STXBP5L: variants seen among roughly 807,000 people sequenced by gnomAD.
The protein encoded by STXBP5L is syntaxin-binding protein 5-like.
In STXBP5L, 65 loss-of-function variants were observed where a neutral mutation model predicts 144.5. That is an observed-to-expected ratio of 0.45 (90% confidence interval 0.37 to 0.55). STXBP5L has a LOEUF of 0.55. Ranked by LOEUF, STXBP5L falls within the 20% of genes least tolerant of loss-of-function variation. The pLI, the probability that STXBP5L is intolerant of heterozygous loss-of-function variation, is 0.00. For synonymous variants in STXBP5L, 505 were observed against 469.6 expected (o/e 1.08, Z -0.97); for missense variants, 1,298 against 1,405.5 (o/e 0.92, Z 1.22).
intron 7 of STXBP5L, among the ~76,000 whole-genome samples, chr3:121,150,079 A>C (rs1313992948): frequency 5.3e-5 from 8 of 151,986 alleles, no homozygotes; most frequent in Non-Finnish European, 1.0e-4. Flanking sequence ...TTTAGTTTTC[A>C]AAATATTTTT....
At chr3:121,101,365 C>T (rs2043415418) in intron 5 of STXBP5L, among the ~76,000 whole-genome samples, 1 of 143,654 alleles carries the variant, frequency 7.0e-6, no homozygotes, top group South Asian at 2.1e-4. Context: ...GAAAAAGAAT[C>T]CAACAACACA....
chr3:121,243,015 A>C (rs2049719784), intron 14 of STXBP5L, among the ~76,000 whole-genome samples: 1 of 152,192 alleles, frequency 6.6e-6, no homozygotes, highest in Non-Finnish European at 1.5e-5. Flanking sequence ...CAGCCACATC[A>C]GTCCTTTTTC....
intron 9 of STXBP5L, among the ~76,000 whole-genome samples, chr3:121,191,481 T>C (rs1361664090): frequency 1.3e-5 from 2 of 152,038 alleles, no homozygotes; most frequent in African/African-American, 4.8e-5. Flanking sequence ...TGAGTCGAGA[T>C]AGCTGCAATA....
chr3:121,222,954 T>C (rs2049017706), intron 10 of STXBP5L, 49 bp from the exon 11 acceptor site: 1 of 1,547,652 alleles, frequency 6.5e-7, no homozygotes, highest in African/African-American at 1.4e-5. Context: ...TGTGACTTTG[T>C]GTCATTTTAA....
chr3:121,125,532 C>T (rs1288879714), intron 7 of STXBP5L, among the ~76,000 whole-genome samples: 5 of 151,914 alleles, frequency 3.3e-5, no homozygotes, highest in African/African-American at 1.2e-4. Context: ...CCCAATATAT[C>T]ATTTATAAAG....
At chr3:121,105,229 C>G (rs1178569854) in intron 5 of STXBP5L, among the ~76,000 whole-genome samples, 1 of 151,880 alleles carries the variant, frequency 6.6e-6, no homozygotes, top group Non-Finnish European at 1.5e-5. Flanking sequence ...AAGCCCATCT[C>G]TACTAAAAAT....
At chr3:121,414,373 C>T (rs1417075016) in intron 24 of STXBP5L, among the ~76,000 whole-genome samples, 2 of 152,124 alleles carry the variant, frequency 1.3e-5, no homozygotes, top group African/African-American at 4.8e-5. Flanking sequence ...CGTTGACTCT[C>T]TAACATGCTT....
intron 19 of STXBP5L, among the ~76,000 whole-genome samples, chr3:121,311,812 T>G (rs926840886): frequency 2.6e-4 from 40 of 152,168 alleles, no homozygotes; most frequent in African/African-American, 9.4e-4. Flanking sequence ...AAGCTACCAA[T>G]GACTTTCTTC....
chr3:121,213,585 T>C (rs969820565), intron 10 of STXBP5L, among the ~76,000 whole-genome samples: 6 of 152,180 alleles, frequency 3.9e-5, no homozygotes, highest in Non-Finnish European at 8.8e-5. Flanking sequence ...GTGGATAAGT[T>C]TTTTGATGTG....
chr3:121,079,532 T>C (rs991016686), intron 5 of STXBP5L, among the ~76,000 whole-genome samples: 3 of 152,238 alleles, frequency 2.0e-5, no homozygotes, highest in Non-Finnish European at 4.4e-5. Context: ...TTAAAATTTC[T>C]ATTACTGCTA....
chr3:121,094,378 AG>A (rs1422170923), intron 5 of STXBP5L, among the ~76,000 whole-genome samples: 1 of 152,036 alleles, frequency 6.6e-6, no homozygotes, highest in Non-Finnish European at 1.5e-5. Context: ...GGGGTGTTAA[AG>A]TCTCCCATTA....
chr3:121,256,384 AAAT>A (rs1298282339), intron 16 of STXBP5L, among the ~76,000 whole-genome samples: 1 of 152,026 alleles, frequency 6.6e-6, no homozygotes, highest in Non-Finnish European at 1.5e-5. Context: ...ATTATAAGGC[AAAT>A]ATGTGTTATA....
intron 2 of STXBP5L, among the ~76,000 whole-genome samples, chr3:120,922,605 A>G (rs1431834754): frequency 6.6e-6 from 1 of 151,936 alleles, no homozygotes; most frequent in African/African-American, 2.4e-5. Context: ...TGGGTTTGTC[A>G]TTTATAGCCT....
chr3:121,371,115 T>C (rs1005587151), intron 20 of STXBP5L, among the ~76,000 whole-genome samples: 16 of 152,204 alleles, frequency 1.1e-4, no homozygotes, highest in African/African-American at 3.9e-4. Context: ...CTTGCAGTAG[T>C]TCTTTCTCAT....
chr3:121,198,855 G>C (rs1022302685), intron 9 of STXBP5L, among the ~76,000 whole-genome samples: 2 of 152,022 alleles, frequency 1.3e-5, no homozygotes, highest in African/African-American at 2.4e-5. Context: ...TATCTGTTTT[G>C]GTTCCAGTAC....
chr3:121,246,552 G>T (rs2049858177), intron 14 of STXBP5L, among the ~76,000 whole-genome samples: 1 of 152,084 alleles, frequency 6.6e-6, no homozygotes, highest in Admixed American at 6.5e-5. Context: ...AGGGTATATA[G>T]AGTCTCAGAT....
At chr3:121,248,583 A>G (rs2049933151) in intron 14 of STXBP5L, among the ~76,000 whole-genome samples, 1 of 151,990 alleles carries the variant, frequency 6.6e-6, no homozygotes, top group Non-Finnish European at 1.5e-5. Flanking sequence ...ATTTTCTCCC[A>G]TTGTGTAGGT....
chr3:120,963,077 G>T (rs1333169963), intron 3 of STXBP5L, among the ~76,000 whole-genome samples: 2 of 152,124 alleles, frequency 1.3e-5, no homozygotes, highest in Non-Finnish European at 1.5e-5. Context: ...CTCTCTGTTT[G>T]TCTGTTAATG....
intron 18 of STXBP5L, among the ~76,000 whole-genome samples, chr3:121,265,719 C>T (rs2050541301): frequency 6.6e-6 from 1 of 151,744 alleles, no homozygotes; most frequent in African/African-American, 2.4e-5. Context: ...ATAAATAGAC[C>T]ACTAGCCAGA....
Sources: allele counts gnomAD v4.1 joint callset (sites outside exome capture counted in the v4.1 genomes callset), GRCh38; gene constraint gnomAD v4.1.1; transcripts MANE v1.5; gene names NCBI Gene and HGNC (gene_info 2026-07-23, HGNC 2026-07-21).